CCDC181: variants seen among roughly 807,000 people sequenced by gnomAD.
CCDC181 encodes the protein coiled-coil domain containing 181.
Under a neutral mutation model 58.7 loss-of-function variants are expected in CCDC181, and 35 were observed. The ratio of observed to expected loss-of-function variants is 0.60; its 90% CI spans 0.46 to 0.79. The LOEUF (loss-of-function observed/expected upper bound fraction) is 0.79, where lower values mean the gene tolerates loss of function less well. Ranked by LOEUF, CCDC181 falls within the 30% of genes least tolerant of loss-of-function variation. The probability of loss-of-function intolerance (pLI) is 0.00; values close to 1 mark genes in which losing one functional copy is unlikely to be tolerated. For missense variants in CCDC181, 517 were observed against 583.9 expected (o/e 0.89, Z 1.18); for synonymous variants, 183 against 197.5 (o/e 0.93, Z 0.62).
Position 169,394,927 on chromosome 1 carries a change from T to C in CCDC181, c.*120A>G. 1 of 909,050 alleles carries C rather than the reference T, an allele frequency of 1.1e-6. No homozygotes were observed. The highest frequency in any genetic ancestry group is 1.6e-6 in the Non-Finnish European group (1 of 643,320). 56.3% of individuals were successfully genotyped at this position (909,050 alleles called of 1,614,324 possible). A position where few individuals can be genotyped will look rare whatever the true frequency, so the allele number is the denominator to read the frequency against. ...TCTAGTATTAAAAAAACAAATTCAC[T>C]GTCAATAAAAGATAAATACCATTTC... is the stretch of plus-strand genomic sequence containing the variant. On this transcript the variant is annotated 3_prime_UTR_variant, in exon 6 of 6. Coordinates refer to ENST00000367806, the MANE Select transcript of CCDC181 (RefSeq NM_001300969.2).
intron 4 of CCDC181, among the ~76,000 whole-genome samples, chr1:169,418,366 A>C (rs1656306519): frequency 2.0e-5 from 3 of 152,182 alleles, no homozygotes. Context: ...GTGAAAAAAA[A>C]CTGAATAAAA....
upstream of CCDC181, among the ~76,000 whole-genome samples, chr1:169,431,154 C>A (rs567398732): frequency 6.6e-6 from 1 of 152,280 alleles, no homozygotes; most frequent in Admixed American, 6.5e-5. Context: ...AGACCCTATT[C>A]TCCTGCCTCA....
intron 4 of CCDC181, among the ~76,000 whole-genome samples, chr1:169,409,461 A>G (rs943806941): frequency 6.6e-6 from 1 of 152,196 alleles, no homozygotes; most frequent in Middle Eastern, 3.4e-3. Context: ...GTTGGAAAAC[A>G]CTCTTCAGGA....
intron 2 of CCDC181, among the ~76,000 whole-genome samples, chr1:169,453,089 AAAAG>A (rs951114421): frequency 1.3e-5 from 2 of 152,106 alleles, no homozygotes; most frequent in African/African-American, 4.8e-5. Flanking sequence ...CGACAAAAAA[AAAAG>A]AAACGCTATG....
intron 2 of CCDC181, among the ~76,000 whole-genome samples, chr1:169,450,106 C>G (rs1298362946): frequency 6.6e-6 from 1 of 151,988 alleles, no homozygotes; most frequent in Non-Finnish European, 1.5e-5. Flanking sequence ...GGCCTGTGTC[C>G]CTGGGCTGTG....
chr1:169,421,801 T>C lies in CCDC181; in HGVS notation c.630A>G (p.Glu210=), dbSNP rs754903014. The C allele has an allele frequency of 8.7e-6, 14 of 1,614,160 alleles. No homozygotes were observed. In the Admixed American group the frequency reaches 2.3e-4, roughly 27 times the overall value. The change falls in exon 3 of 6, where the codon GAA becomes GAG. Residue 210 remains glutamate, a synonymous_variant. Coordinates refer to ENST00000367806, the MANE Select transcript of CCDC181 (RefSeq NM_001300969.2). Reference sequence around the variant, plus strand: ...CCAGTATTGTCCTATCCTTGTTTTCTTCACAGCTTCCATTAGTAAGTGACA... The same window carrying C: ...CCAGTATTGTCCTATCCTTGTTTTCCTCACAGCTTCCATTAGTAAGTGACA... ...VLLSLTNGSC[E]ENKDRTILVE...
intron 2 of CCDC181, among the ~76,000 whole-genome samples, chr1:169,458,189 G>GTTT (rs200027213): frequency 1.3e-5 from 1 of 74,470 alleles, no homozygotes; most frequent in African/African-American, 4.3e-5. Flanking sequence ...TTTTTTTTTT[G>GTTT]TTTTGTTTTT....
In CCDC181 at chr1:169,421,350, C is replaced by G. The variant is rs1435755802; in HGVS notation, c.1068+13G>C. Reference sequence around the variant, plus strand: ...TACTCTACTTTTAATATAATGCCCACTTAGGTTCTCACCTCTCTTTTCAGT... The same window carrying G: ...TACTCTACTTTTAATATAATGCCCAGTTAGGTTCTCACCTCTCTTTTCAGT... On this transcript the variant is annotated intron_variant, in intron 3 of 5. Transcript: ENST00000367806. 1 of 1,572,604 alleles carries G rather than the reference C, an allele frequency of 6.4e-7. No individual in the cohort carries two copies. The highest frequency in any genetic ancestry group is 2.2e-5 in the East Asian group (1 of 44,622).
intron 2 of CCDC181, 46 bp from the exon 3 acceptor site, chr1:169,422,359 T>A (rs1233256616): frequency 7.5e-7 from 1 of 1,338,236 alleles, no homozygotes; most frequent in East Asian, 2.3e-5. Flanking sequence ...TCTTCATTTA[T>A]AAGTAGACAT....
chr1:169,417,949 A>G (rs1352373189), intron 4 of CCDC181, among the ~76,000 whole-genome samples: 1 of 152,192 alleles, frequency 6.6e-6, no homozygotes, highest in East Asian at 1.9e-4. Context: ...ACAAGCATGT[A>G]TATTATTAAT....
At chr1:169,453,966 A>G (rs980590887) in intron 2 of CCDC181, among the ~76,000 whole-genome samples, 1 of 152,032 alleles carries the variant, frequency 6.6e-6, no homozygotes, top group Non-Finnish European at 1.5e-5. Flanking sequence ...TGCCATCTGT[A>G]TGATACATGT....
intron 2 of CCDC181, among the ~76,000 whole-genome samples, chr1:169,456,954 A>G (rs1303828943): frequency 6.6e-6 from 1 of 152,112 alleles, no homozygotes; most frequent in Admixed American, 6.6e-5. Context: ...CATTGCTGGC[A>G]TGGACTTTTT....
intron 4 of CCDC181, among the ~76,000 whole-genome samples, chr1:169,399,639 TTATC>T (rs1256138435): frequency 1.3e-5 from 2 of 152,204 alleles, no homozygotes; most frequent in African/African-American, 2.4e-5. Flanking sequence ...ATGGATTAAA[TTATC>T]TGATTATAAA....
At chr1:169,446,858 G>C (rs1657391116) in intron 2 of CCDC181, among the ~76,000 whole-genome samples, 1 of 152,176 alleles carries the variant, frequency 6.6e-6, no homozygotes, top group Admixed American at 6.5e-5. Context: ...AAATGACCAT[G>C]TGTACTTAAT....
At chr1:169,457,264 G>T (rs1657699794) in intron 2 of CCDC181, among the ~76,000 whole-genome samples, 2 of 152,042 alleles carry the variant, frequency 1.3e-5, no homozygotes, top group Non-Finnish European at 2.9e-5. Flanking sequence ...TCCTGTATCT[G>T]TGGATTCATG....
In CCDC181 at chr1:169,422,878, C is replaced by CA. The variant is rs1656544640; in HGVS notation, c.118-566dup. ...CAGATTTCCCTTCTTCAACTATACT[C>CA]AGAGATTTCAGAAATCCATGCTAAC... On this transcript the variant is annotated intron_variant, in intron 2 of 5. Transcript: ENST00000367806. Among the ~76,000 whole-genome samples, 5 of 151,796 alleles carry CA rather than the reference C, an allele frequency of 3.3e-5. 1 individual carries two copies. Among genetic ancestry groups the CA allele is most frequent in the Admixed American group, 3.3e-4 (5 of 15,228 alleles).
chr1:169,444,624 T>G (rs1159339614), intron 2 of CCDC181, among the ~76,000 whole-genome samples: 1 of 152,192 alleles, frequency 6.6e-6, no homozygotes, highest in Non-Finnish European at 1.5e-5. Context: ...AAATTGGGAT[T>G]TTTTTAAATT....
chr1:169,407,192 A>G (rs1031486348), intron 4 of CCDC181, among the ~76,000 whole-genome samples: 30 of 152,312 alleles, frequency 2.0e-4, no homozygotes, highest in African/African-American at 4.6e-4. Context: ...CACACATGTA[A>G]TACACTTCTA....
In CCDC181 at chr1:169,421,527, G is replaced by A; in HGVS notation, c.904C>T (p.Pro302Ser). 6.2e-7 allele frequency: 1 copy of A among 1,614,086 alleles called. No homozygotes were observed. The highest frequency in any genetic ancestry group is 8.5e-7 in the Non-Finnish European group (1 of 1,180,004). ...CGATCTGAGTTGACAGCAGAGCTTGGACAAGTCTTGCGGTTGAGTGGTGGC... is the reference window on the plus strand; with the variant it reads ...CGATCTGAGTTGACAGCAGAGCTTGAACAAGTCTTGCGGTTGAGTGGTGGC... Reference protein sequence around the residue: ...AQPPLNRKTCPSSAVNSDRSK... With the variant: ...AQPPLNRKTCSSSAVNSDRSK... Residue 302 changes from proline (P) to serine (S), a missense_variant, in exon 3 of 6, where the codon CCA becomes TCA. Physicochemically the swap from Pro to Ser is moderately conservative, Grantham distance 74. Transcript: ENST00000367806.
Sources: allele counts gnomAD v4.1 joint callset (sites outside exome capture counted in the v4.1 genomes callset), GRCh38; gene constraint gnomAD v4.1.1; transcripts MANE v1.5; gene names NCBI Gene and HGNC (gene_info 2026-07-23, HGNC 2026-07-21).